The following DNM2 variants were observed in gnomAD, a reference collection of about 807,000 sequenced individuals.
DNM2 encodes the protein dynamin-2.
Under a neutral mutation model 99.0 loss-of-function variants are expected in DNM2, and 15 were observed. That is an observed-to-expected ratio of 0.15 (90% confidence interval 0.10 to 0.23). The LOEUF (loss-of-function observed/expected upper bound fraction) is 0.23. Among genes scored for constraint, DNM2 ranks in the 10% least tolerant of loss-of-function variants. The pLI is 1.00. For synonymous variants in DNM2, 525 were observed against 481.2 expected (o/e 1.09, Z -1.19); for missense variants, 742 against 1,189.4 (o/e 0.62, Z 5.53).
intron 12 of DNM2, chr19:10,803,796 C>T (rs1334134002): frequency 1.5e-6 from 1 of 664,440 alleles, no homozygotes; most frequent in Non-Finnish European, 1.9e-6. Flanking sequence ...CTCTCAGAGC[C>T]AGGGCCAGTG....
intron 16 of DNM2, among the ~76,000 whole-genome samples, chr19:10,822,437 T>C (rs2073005965): frequency 1.3e-5 from 2 of 152,014 alleles, no homozygotes; most frequent in Admixed American, 6.6e-5. Context: ...GCAATCCCCC[T>C]GTCTCAGCCT....
At position 10,830,841 on chromosome 19, in the gene DNM2, G is replaced by A. The variant is rs2073322531; in HGVS notation, c.2544-137G>A. On this transcript the variant is annotated intron_variant, in intron 20 of 20. Coordinates refer to ENST00000389253, the MANE Select transcript of DNM2 (RefSeq NM_001005361.3). The surrounding 1 kb of genome is among the most constrained non-coding windows in gnomAD (Gnocchi z 4.8). ...GTTTGGCACTCCTGCCCGACACCCTGGTGGCTTGCGGAGGTCAGCCTGGGA... is the reference window on the plus strand; with the variant it reads ...GTTTGGCACTCCTGCCCGACACCCTAGTGGCTTGCGGAGGTCAGCCTGGGA... The A allele has an allele frequency of 9.3e-7, 1 of 1,080,250 alleles. No individual in the cohort carries two copies. The highest frequency in any genetic ancestry group is 1.3e-6 in the Non-Finnish European group (1 of 768,854). 66.9% of individuals were successfully genotyped at this position (1,080,250 alleles called of 1,614,324 possible).
chr19:10,831,731 G>A lies in DNM2; in HGVS notation c.*684G>A, dbSNP rs945367010. On this transcript the variant is annotated 3_prime_UTR_variant, in exon 21 of 21. Coordinates refer to ENST00000389253, the MANE Select transcript of DNM2 (RefSeq NM_001005361.3). This position sits in a 1 kb window ranked among gnomAD's most constrained non-coding sequence, Gnocchi z 4.3. The stretch of plus-strand genomic sequence containing the variant: ...GGGCTTGGGCTATGTGGGTGGTGGT[G>A]GCGGGGGGTCTTGGGGGCCTCTCAG... The A allele has an allele frequency of 1.0e-6, 1 of 986,454 alleles. No homozygotes were observed. The highest frequency in any genetic ancestry group is 1.2e-6 in the Non-Finnish European group (1 of 830,468). The allele number at this position is 986,454 out of a possible 1,614,324, so 61.1% of individuals were successfully genotyped here. A position where few individuals can be genotyped will look rare whatever the true frequency, so the allele number is the denominator to read the frequency against.
chr19:10,796,073 C>T lies in DNM2; in HGVS notation c.1196+634C>T, dbSNP rs2146025884. On this transcript the variant is annotated intron_variant, in intron 9 of 20. Transcript: ENST00000389253. This position sits in a 1 kb window ranked among gnomAD's most constrained non-coding sequence, Gnocchi z 5.6. ...TGGACGGTTTCAGGACCGGGCTTTT[C>T]ACCCCGGACTTGGCATTCGAGGCCA... 1 of 1,613,754 alleles carries T rather than the reference C, an allele frequency of 6.2e-7. No individual in the cohort carries two copies. Among genetic ancestry groups the T allele is most frequent in the Non-Finnish European group, 8.5e-7 (1 of 1,180,024 alleles).
chr19:10,774,576 G>A lies in DNM2; in HGVS notation c.386-1127G>A, dbSNP rs1055079179. Among the ~76,000 whole-genome samples, 3 of 152,082 alleles carry A rather than the reference G, an allele frequency of 2.0e-5. No homozygotes were observed. In the South Asian group the frequency reaches 6.2e-4, roughly 32 times the overall value. Reference sequence around the variant, plus strand: ...TGAGTAGCTGGGATTACAGGCATGCGCCACCTCACCCGGCTAATTTTGTAT... The same window carrying A: ...TGAGTAGCTGGGATTACAGGCATGCACCACCTCACCCGGCTAATTTTGTAT... On this transcript the variant is annotated intron_variant, in intron 3 of 20. Transcript: ENST00000389253.
At chr19:10,760,698 G>C (rs1224613879) in intron 2 of DNM2, among the ~76,000 whole-genome samples, 1 of 151,732 alleles carries the variant, frequency 6.6e-6, no homozygotes, top group African/African-American at 2.4e-5. Flanking sequence ...GTCTCACTCT[G>C]TTCCCCAGGC....
At chr19:10,821,689 G>C (rs1253857911) in intron 16 of DNM2, among the ~76,000 whole-genome samples, 1 of 152,102 alleles carries the variant, frequency 6.6e-6, no homozygotes, top group Non-Finnish European at 1.5e-5. Flanking sequence ...GCACCACCAC[G>C]CCTGGCTAAT....
chr19:10,769,999 C>T (rs1255846559), intron 2 of DNM2, among the ~76,000 whole-genome samples: 2 of 152,212 alleles, frequency 1.3e-5, no homozygotes, highest in African/African-American at 4.8e-5. Flanking sequence ...CGGAACTTGG[C>T]CCAAGGCCCT....
At chr19:10,731,977 G>T (rs1285325938) in intron 1 of DNM2, among the ~76,000 whole-genome samples, 1 of 147,650 alleles carries the variant, frequency 6.8e-6, no homozygotes, top group African/African-American at 2.5e-5. Flanking sequence ...TTTTTGAGAC[G>T]GAGTTTCGCT....
chr19:10,796,145 T>C lies in DNM2; in HGVS notation c.1196+706T>C. 1 of 1,614,184 alleles carries C rather than the reference T, an allele frequency of 6.2e-7. No homozygotes were observed. The highest frequency in any genetic ancestry group is 8.5e-7 in the Non-Finnish European group (1 of 1,180,028). On this transcript the variant is annotated intron_variant, in intron 9 of 20. Transcript: ENST00000389253. The surrounding 1 kb of genome is among the most constrained non-coding windows in gnomAD (Gnocchi z 5.6). The stretch of plus-strand genomic sequence containing the variant: ...AGCTGAAAGAGCCCTGTCTGAAATG[T>C]GTCGACCTGGTTATCCAGGAGCTAA...
chr19:10,772,288 T>G lies in DNM2; in HGVS notation c.236-191T>G, dbSNP rs1489455546. Among the ~76,000 whole-genome samples, 3 of 151,918 alleles carry G rather than the reference T, an allele frequency of 2.0e-5. No homozygotes were observed. Among genetic ancestry groups the G allele is most frequent in the Non-Finnish European group, 2.9e-5 (2 of 67,978 alleles). On this transcript the variant is annotated intron_variant, in intron 2 of 20. Coordinates refer to ENST00000389253, the MANE Select transcript of DNM2 (RefSeq NM_001005361.3). This position sits in a 1 kb window ranked among gnomAD's most constrained non-coding sequence, Gnocchi z 4.9. Reference sequence around the variant, plus strand: ...TAGAGACAGGGTTTCACCATGTTAGTGAGGATGGTCTGAATCTCCTGACCT... The same window carrying G: ...TAGAGACAGGGTTTCACCATGTTAGGGAGGATGGTCTGAATCTCCTGACCT...
chr19:10,750,322 T>TA (rs535754408), intron 1 of DNM2, among the ~76,000 whole-genome samples: 212 of 151,214 alleles, frequency 1.4e-3, no homozygotes, highest in Non-Finnish European at 2.3e-3. Flanking sequence ...CTGCAAAAAA[T>TA]AAAAAAATTA....
At chr19:10,750,603 G>C (rs1416961161) in intron 1 of DNM2, among the ~76,000 whole-genome samples, 1 of 152,166 alleles carries the variant, frequency 6.6e-6, no homozygotes, top group Non-Finnish European at 1.5e-5. Context: ...TTGTGCTGCT[G>C]ATGCAGCCTG....
chr19:10,731,059 G>T (rs569403988), intron 1 of DNM2, among the ~76,000 whole-genome samples: 1 of 152,250 alleles, frequency 6.6e-6, no homozygotes, highest in African/African-American at 2.4e-5. Context: ...AGCTTCTCAG[G>T]GCTGCGATCC....
intron 6 of DNM2, among the ~76,000 whole-genome samples, chr19:10,784,962 T>TACAG: frequency 6.6e-6 from 1 of 152,004 alleles, no homozygotes; most frequent in East Asian, 1.9e-4. Context: ...TAGCTGGGAT[T>TACAG]ACAGGCGTGC....
At chr19:10,774,991 G>A (rs1005783413) in intron 3 of DNM2, among the ~76,000 whole-genome samples, 2 of 151,456 alleles carry the variant, frequency 1.3e-5, no homozygotes, top group Admixed American at 6.6e-5. Context: ...GGCTGGTTTC[G>A]AACTCCTGAG....
At chr19:10,757,419 C>T (rs1050341720) in intron 1 of DNM2, among the ~76,000 whole-genome samples, 5 of 152,180 alleles carry the variant, frequency 3.3e-5, no homozygotes, top group Non-Finnish European at 5.9e-5. Flanking sequence ...TTCCAGTGCC[C>T]AGCCCCAGCT....
chr19:10,731,301 G>C (rs1291976614), intron 1 of DNM2, among the ~76,000 whole-genome samples: 1 of 151,920 alleles, frequency 6.6e-6, no homozygotes, highest in Non-Finnish European at 1.5e-5. Context: ...GCGCAGCCAG[G>C]ATCCTGCAGC....
intron 1 of DNM2, among the ~76,000 whole-genome samples, chr19:10,734,722 A>AT (rs2069461276): frequency 2.0e-5 from 3 of 149,382 alleles, no homozygotes; most frequent in Non-Finnish European, 4.4e-5. Flanking sequence ...TTTAAAAAAA[A>AT]ATTTTTTTTT....
Sources: allele counts gnomAD v4.1 joint callset (sites outside exome capture counted in the v4.1 genomes callset), GRCh38; gene constraint gnomAD v4.1.1; non-coding constraint Gnocchi (gnomAD v3.1); transcripts MANE v1.5; gene names NCBI Gene and HGNC (gene_info 2026-07-23, HGNC 2026-07-21).